The following SNURF variants were observed in gnomAD, a reference collection of about 807,000 sequenced individuals.
SNURF encodes the protein SNURF protein.
In SNURF, 6 loss-of-function variants were observed where a neutral mutation model predicts 11.6. The observed-to-expected ratio is 0.52, with a 90% CI of 0.28 to 1.02. The LOEUF is 1.02. SNURF is among the 50% of genes least tolerant of loss of function. SNURF has a pLI of 0.09. For synonymous variants in SNURF, 29 were observed against 31.6 expected (o/e 0.92, Z 0.27); for missense variants, 84 against 88.4 (o/e 0.95, Z 0.20).
intron 3 of SNURF, chr15:24,975,060 T>C (rs969577525): frequency 1.5e-6 from 1 of 686,094 alleles, no homozygotes; most frequent in Non-Finnish European, 2.6e-6. Flanking sequence ...CCTACATCAT[T>C]GTGGTTTGGT....
chr15:24,963,173 A>G (rs901827653), intron 2 of SNURF, among the ~76,000 whole-genome samples: 1 of 152,196 alleles, frequency 6.6e-6, no homozygotes, highest in African/African-American at 2.4e-5. Flanking sequence ...TGTCTTGGTG[A>G]TCTTTTCATA....
downstream of SNURF, among the ~76,000 whole-genome samples, chr15:24,973,001 C>G (rs967650699): frequency 6.6e-6 from 1 of 152,150 alleles, no homozygotes; most frequent in African/African-American, 2.4e-5. Context: ...GATTCTCCTG[C>G]CTCAGCCTCC....
chr15:24,970,377 C>T (rs1596304805), downstream of SNURF, among the ~76,000 whole-genome samples: 3 of 152,040 alleles, frequency 2.0e-5, no homozygotes, highest in Admixed American at 2.0e-4. Context: ...GTCAGAAGTT[C>T]GAGACCAACC....
downstream of SNURF, among the ~76,000 whole-genome samples, chr15:24,971,216 T>G (rs1030938451): frequency 6.6e-6 from 1 of 152,232 alleles, no homozygotes; most frequent in African/African-American, 2.4e-5. Flanking sequence ...GTTAATTTGC[T>G]TATGTGCCCT....
intron 2 of SNURF, among the ~76,000 whole-genome samples, chr15:24,965,535 A>T (rs952321688): frequency 1.3e-5 from 2 of 152,170 alleles, no homozygotes; most frequent in African/African-American, 4.8e-5. Context: ...ACTCCATCTC[A>T]AAATAAAGTA....
At chr15:24,974,680 G>T in intron 3 of SNURF, 1 of 621,598 alleles carries the variant, frequency 1.6e-6, no homozygotes, top group African/African-American at 1.8e-5. Flanking sequence ...GAGTGCAGTG[G>T]TGCGGTCTTG....
At chr15:24,967,958 A>C in exon 3 of SNURF, 4 of 1,614,130 alleles carry the variant, frequency 2.5e-6, no homozygotes, top group Non-Finnish European at 3.4e-6. Flanking sequence ...AGGCGTTCTC[A>C]GCAGCAGCAA....
intron 3 of SNURF, chr15:24,974,576 A>G: frequency 3.2e-6 from 3 of 924,206 alleles, no homozygotes; most frequent in East Asian, 2.4e-5. Context: ...ATCCATGGAT[A>G]TGGATTCTCA....
At chr15:24,955,962 G>A (rs184595709) in intron 1 of SNURF, among the ~76,000 whole-genome samples, 8 of 152,120 alleles carry the variant, frequency 5.3e-5, no homozygotes, top group Non-Finnish European at 8.8e-5. Context: ...AGCACAGTCC[G>A]CAGCCTTTAA....
At chr15:24,968,136 G>T in exon 3 of SNURF, 3 of 1,044,892 alleles carry the variant, frequency 2.9e-6, no homozygotes, top group African/African-American at 3.1e-5. Context: ...AGAATGGGGT[G>T]TTGGGGGTTC....
At chr15:24,976,102 C>T (rs979884869) in intron 4 of SNURF, among the ~76,000 whole-genome samples, 3 of 152,100 alleles carry the variant, frequency 2.0e-5, no homozygotes, top group Non-Finnish European at 2.9e-5. Context: ...CTGTAAAAGA[C>T]TAAAGTTAGA....
chr15:24,974,392 C>T (rs1160003126), intron 3 of SNURF: 2 of 1,531,752 alleles, frequency 1.3e-6, no homozygotes, highest in African/African-American at 1.4e-5. Flanking sequence ...TATAGCCTTC[C>T]CCTAGGTCTT....
At chr15:24,958,988 C>T (rs2074339972) in intron 1 of SNURF, 1 of 152,168 alleles carries the variant, frequency 6.6e-6, no homozygotes, top group African/African-American at 2.4e-5. Flanking sequence ...AAAGTGCTGG[C>T]ATTGCAGCCA....
chr15:24,960,672 A>G (rs142703439), intron 1 of SNURF, among the ~76,000 whole-genome samples: 2 of 152,242 alleles, frequency 1.3e-5, no homozygotes, highest in East Asian at 3.9e-4. Flanking sequence ...AGCCACTTGT[A>G]TGTGTTTGGA....
downstream of SNURF, chr15:24,978,166 C>T (rs779863556): frequency 2.0e-5 from 32 of 1,605,436 alleles, no homozygotes; most frequent in Admixed American, 4.8e-4. Context: ...TTTATGAGGC[C>T]TTTATTTCTA....
chr15:24,976,435 A>G (rs2077063866), intron 5 of SNURF: 1 of 1,504,586 alleles, frequency 6.6e-7, no homozygotes, highest in Admixed American at 1.8e-5. Context: ...GATGTAGGGC[A>G]GGACAGAACT....
At chr15:24,967,437 C>A (rs530565862) in intron 2 of SNURF, among the ~76,000 whole-genome samples, 1 of 151,996 alleles carries the variant, frequency 6.6e-6, no homozygotes, top group South Asian at 2.1e-4. Context: ...GTCATGAGTT[C>A]CAGATCAGCC....
intron 4 of SNURF, chr15:24,976,172 G>C: frequency 1.4e-6 from 1 of 691,070 alleles, no homozygotes; most frequent in Non-Finnish European, 2.5e-6. Context: ...ATATTTTTTG[G>C]CTTGTTTTTC....
At chr15:24,955,002 C>T (rs1198523579) in exon 1 of SNURF, 11 of 1,610,962 alleles carry the variant, frequency 6.8e-6, no homozygotes, top group Admixed American at 3.3e-5. Context: ...GTGGAGCGGC[C>T]GCCGGAGATG....
Sources: gnomAD v4.1 joint callset for allele counts (sites outside exome capture counted in the v4.1 genomes callset) on GRCh38, gnomAD v4.1.1 for gene constraint, MANE v1.5 for transcripts, NCBI Gene and HGNC (gene_info 2026-07-23, HGNC 2026-07-21) for gene names.